Variants in CTNNA2 observed in about 807,000 individuals in gnomAD.
CTNNA2 encodes the protein catenin alpha 2.
Under a neutral mutation model 101.0 loss-of-function variants are expected in CTNNA2, and 42 were observed. That is an observed-to-expected ratio of 0.42 (90% CI 0.32 to 0.54). The LOEUF is 0.54. CTNNA2 is among the 20% of genes least tolerant of loss of function. CTNNA2 has a pLI of 0.14. For missense variants in CTNNA2, 871 were observed against 1,223.1 expected, an observed-to-expected ratio of 0.71 and a Z score of 4.29; for synonymous variants, 450 against 456.4, an observed-to-expected ratio of 0.99 and a Z score of 0.18.
intron 3 of CTNNA2, among the ~76,000 whole-genome samples, chr2:79,848,467 C>T (rs1463822660): frequency 2.0e-5 from 3 of 152,160 alleles, no homozygotes; most frequent in South Asian, 2.1e-4. Context: ...GCAAGGTTCT[C>T]ATTTGTGAAG....
intron 9 of CTNNA2, among the ~76,000 whole-genome samples, chr2:80,495,937 C>A (rs1687422583): frequency 3.6e-5 from 2 of 55,792 alleles, no homozygotes. Context: ...AAGACTCTGT[C>A]TCAAAAAAAA....
intron 7 of CTNNA2, among the ~76,000 whole-genome samples, chr2:80,078,805 A>G (rs559595601): frequency 6.6e-6 from 1 of 152,032 alleles, no homozygotes; most frequent in Non-Finnish European, 1.5e-5. Flanking sequence ...CTTACCCCCT[A>G]TGTTTTGTGA....
Position 79,742,637 on chromosome 2 carries a change from G to C in CTNNA2, c.103-1750G>C, listed in dbSNP as rs538868864. Among the ~76,000 whole-genome samples, 12 of 152,288 alleles carry C rather than the reference G, an allele frequency of 7.9e-5. 1 individual carries two copies. In the East Asian group the frequency reaches 2.3e-3, roughly 29 times the overall value. ...AGAAAAGCAATCTTTGTGACAAGCTGTCTTTCTTTTTTTAATGGTTGCCTC... is the reference window on the plus strand; with the variant it reads ...AGAAAAGCAATCTTTGTGACAAGCTCTCTTTCTTTTTTTAATGGTTGCCTC... On this transcript the variant is annotated intron_variant, in intron 2 of 18. Transcript: ENST00000402739.
chr2:79,360,042 T>C (rs1677593484), intron 3 of CTNNA2, among the ~76,000 whole-genome samples: 1 of 152,176 alleles, frequency 6.6e-6, no homozygotes, highest in Non-Finnish European at 1.5e-5. Context: ...AAAAACTATA[T>C]AAACAAAATC....
At chr2:79,204,018 T>C (rs891440701) in intron 2 of CTNNA2, among the ~76,000 whole-genome samples, 1 of 152,228 alleles carries the variant, frequency 6.6e-6, no homozygotes, top group East Asian at 1.9e-4. Context: ...GAACAGATGA[T>C]ATTAATAGCC....
chr2:79,333,414 G>A (rs1343500475), intron 3 of CTNNA2, among the ~76,000 whole-genome samples: 1 of 152,042 alleles, frequency 6.6e-6, no homozygotes, highest in East Asian at 1.9e-4. Context: ...TAGAAAAGAA[G>A]TAAACAAAAT....
At chr2:80,421,466 CT>C (rs1281781312) in intron 9 of CTNNA2, among the ~76,000 whole-genome samples, 1 of 152,152 alleles carries the variant, frequency 6.6e-6, no homozygotes, top group African/African-American at 2.4e-5. Context: ...AAAGACCCAG[CT>C]TTTTCCACTC....
chr2:80,361,335 C>T (rs1035110439), intron 7 of CTNNA2, among the ~76,000 whole-genome samples: 7 of 152,256 alleles, frequency 4.6e-5, no homozygotes, highest in African/African-American at 1.7e-4. Flanking sequence ...TTGTTCCTCA[C>T]TTGGGCCACA....
At chr2:80,615,122 A>G (rs1328577321) in intron 17 of CTNNA2, among the ~76,000 whole-genome samples, 1 of 151,528 alleles carries the variant, frequency 6.6e-6, no homozygotes, top group African/African-American at 2.4e-5. Flanking sequence ...GCTAAAGATT[A>G]TCTGGGGATT....
At chr2:80,248,287 C>T (rs192519158) in intron 7 of CTNNA2, among the ~76,000 whole-genome samples, 1 of 152,238 alleles carries the variant, frequency 6.6e-6, no homozygotes, top group African/African-American at 2.4e-5. Flanking sequence ...AGTGCGGTCC[C>T]TCTCCATCTG....
intron 7 of CTNNA2, among the ~76,000 whole-genome samples, chr2:80,259,937 T>C (rs1672471032): frequency 6.6e-6 from 1 of 152,204 alleles, no homozygotes; most frequent in Non-Finnish European, 1.5e-5. Context: ...TTTATAATCT[T>C]GGACCACAAT....
chr2:79,379,495 C>T (rs954410189), intron 4 of CTNNA2, among the ~76,000 whole-genome samples: 1 of 152,178 alleles, frequency 6.6e-6, no homozygotes, highest in Admixed American at 6.5e-5. Flanking sequence ...CCTTTCTCAC[C>T]TGTATACACT....
At chr2:80,471,217 G>A (rs1685278281) in intron 9 of CTNNA2, among the ~76,000 whole-genome samples, 1 of 152,160 alleles carries the variant, frequency 6.6e-6, no homozygotes, top group Non-Finnish European at 1.5e-5. Flanking sequence ...ACTGAGTAGG[G>A]GGCCCTTTGT....
chr2:79,867,940 T>C lies in CTNNA2; in HGVS notation c.466-1876T>C, dbSNP rs1392383383. 2.0e-5 allele frequency among the ~76,000 whole-genome samples: 3 copies of C among 152,344 alleles called. No individual in the cohort carries two copies. The Middle Eastern group carries it at 0.01, about 518-fold the overall frequency. The stretch of plus-strand genomic sequence containing the variant: ...GATGCTGTTGATAGCCAAGTTAAGA[T>C]GATTATAAATCTATTAGAATGTACA... On this transcript the variant is annotated intron_variant, in intron 4 of 18. Transcript: ENST00000402739.
At chr2:79,525,675 A>G (rs1247218623) in intron 1 of CTNNA2, among the ~76,000 whole-genome samples, 2 of 151,980 alleles carry the variant, frequency 1.3e-5, no homozygotes, top group Non-Finnish European at 2.9e-5. Context: ...ACTGTTGAAA[A>G]CAGGCATTTT....
intron 8 of CTNNA2, among the ~76,000 whole-genome samples, chr2:80,398,040 T>C (rs1480172087): frequency 2.6e-5 from 4 of 152,278 alleles, no homozygotes; most frequent in South Asian, 2.1e-4. Context: ...AACACAACTA[T>C]AGTAAATGTC....
At position 79,504,451 on chromosome 2, in the gene CTNNA2, GGT is replaced by G. The variant is rs1671369308; in HGVS notation, c.-134-602_-134-601del. Among the ~76,000 whole-genome samples, 3 of 151,948 alleles carry G rather than the reference GGT, an allele frequency of 2.0e-5. No homozygotes were observed. The South Asian group carries it at 6.2e-4, about 32-fold the overall frequency. ...ACTACAGGCACATGCTACCACACACGGTTAATTTTTGTATTTTTAGTAGAGAC... is the reference window on the plus strand; with the variant it reads ...ACTACAGGCACATGCTACCACACACGTAATTTTTGTATTTTTAGTAGAGAC... On this transcript the variant is annotated intron_variant, in intron 4 of 21. Transcript: ENST00000466387.
intron 12 of CTNNA2, among the ~76,000 whole-genome samples, chr2:80,559,374 T>G (rs1816456): frequency 0.029 from 4,353 of 152,226 alleles, 115 homozygotes; most frequent in East Asian, 0.1. Context: ...AATGGCTGCA[T>G]GGGTAGGTCA....
At chr2:79,557,887 T>A (rs1558728116) in intron 1 of CTNNA2, among the ~76,000 whole-genome samples, 3 of 152,110 alleles carry the variant, frequency 2.0e-5, no homozygotes, top group South Asian at 4.1e-4. Context: ...AACTTTCAGT[T>A]TAGTAGAATT....
Sources: gnomAD v4.1 joint callset for allele counts (sites outside exome capture counted in the v4.1 genomes callset) on GRCh38, gnomAD v4.1.1 for gene constraint, MANE v1.5 for transcripts, NCBI Gene and HGNC (gene_info 2026-07-23, HGNC 2026-07-21) for gene names.